The following BMERB1 variants were observed in gnomAD, a reference collection of about 807,000 sequenced individuals.
The protein encoded by BMERB1 is bMERB domain-containing protein 1.
Under a neutral mutation model 23.6 loss-of-function variants are expected in BMERB1, and 12 were observed. That is an observed-to-expected ratio of 0.51 (90% confidence interval 0.33 to 0.82). The LOEUF (loss-of-function observed/expected upper bound fraction) is 0.82. Ranked by LOEUF, BMERB1 falls within the 40% of genes least tolerant of loss-of-function variation. The pLI, the probability that BMERB1 is intolerant of heterozygous loss-of-function variation, is 0.03. For synonymous variants in BMERB1, 122 were observed against 96.6 expected, an observed-to-expected ratio of 1.26 and a Z score of -1.54; for missense variants, 247 against 255.4, an observed-to-expected ratio of 0.97 and a Z score of 0.22.
At chr16:15,570,781 T>G (rs997906934) in intron 3 of BMERB1, among the ~76,000 whole-genome samples, 1 of 152,004 alleles carries the variant, frequency 6.6e-6, no homozygotes, top group Admixed American at 6.6e-5. Context: ...AGATTATTCA[T>G]GAGTTTTCTG....
chr16:15,464,312 T>TAAAAAA lies in BMERB1; in HGVS notation c.106+29568_106+29573dup, dbSNP rs528828210. ...TGGGCGACAGAGTGAGACTTCATCTTAAAAAAAAAAAAAAAAAAAAGGATT... is the reference window on the plus strand; with the variant it reads ...TGGGCGACAGAGTGAGACTTCATCTTAAAAAAAAAAAAAAAAAAAAAAAAAAGGATT... On this transcript the variant is annotated intron_variant, in intron 1 of 5. Coordinates refer to ENST00000300006, the MANE Select transcript of BMERB1 (RefSeq NM_033201.3). 6.1e-3 allele frequency among the ~76,000 whole-genome samples: 634 copies of TAAAAAA among 103,916 alleles called. 8 individuals are homozygous for TAAAAAA. The highest frequency in any genetic ancestry group is 0.022 in the African/African-American group (616 of 27,428). 68.2% of individuals were successfully genotyped at this position (103,916 alleles called of 152,430 possible). A position where few individuals can be genotyped will look rare whatever the true frequency, so the allele number is the denominator to read the frequency against.
At chr16:15,528,988 T>C (rs73499138) in intron 2 of BMERB1, among the ~76,000 whole-genome samples, 7,109 of 152,166 alleles carry the variant, frequency 0.047, 530 homozygotes, top group African/African-American at 0.15. Flanking sequence ...TCTTGGACTT[T>C]CCAGCCTCTT....
At chr16:15,488,222 A>ACAC (rs2051383962) in intron 1 of BMERB1, among the ~76,000 whole-genome samples, 1 of 152,096 alleles carries the variant, frequency 6.6e-6, no homozygotes, top group Admixed American at 6.5e-5. Flanking sequence ...TGTTCTAATA[A>ACAC]AGCTTTATTT....
intron 5 of BMERB1, among the ~76,000 whole-genome samples, chr16:15,585,921 A>G (rs1013208494): frequency 1.3e-5 from 2 of 152,214 alleles, no homozygotes; most frequent in African/African-American, 4.8e-5. Flanking sequence ...CCCAAGAACC[A>G]AAAATATAGA....
At chr16:15,454,266 A>C (rs945568300) in intron 1 of BMERB1, among the ~76,000 whole-genome samples, 2 of 152,216 alleles carry the variant, frequency 1.3e-5, no homozygotes, top group Admixed American at 1.3e-4. Context: ...AGGATGTAAC[A>C]TAAAGTCTAA....
At chr16:15,541,835 C>T (rs1480126436) in intron 2 of BMERB1, among the ~76,000 whole-genome samples, 1 of 151,598 alleles carries the variant, frequency 6.6e-6, no homozygotes, top group African/African-American at 2.4e-5. Context: ...ATCTCCTGAC[C>T]TCATGATCCG....
chr16:15,552,563 C>T (rs1218768879), intron 2 of BMERB1, among the ~76,000 whole-genome samples: 1 of 152,212 alleles, frequency 6.6e-6, no homozygotes, highest in Non-Finnish European at 1.5e-5. Flanking sequence ...CATCAGTGAG[C>T]AGGTGCAGGA....
chr16:15,473,784 A>G (rs1346072674), intron 1 of BMERB1, among the ~76,000 whole-genome samples: 1 of 152,112 alleles, frequency 6.6e-6, no homozygotes, highest in Non-Finnish European at 1.5e-5. Flanking sequence ...CATGGTTTCA[A>G]AGGAGAACTT....
intron 1 of BMERB1, among the ~76,000 whole-genome samples, chr16:15,509,695 C>T (rs1264726766): frequency 6.6e-6 from 1 of 152,176 alleles, no homozygotes; most frequent in East Asian, 1.9e-4. Flanking sequence ...CTGCTTCCAG[C>T]CAAGGCTGTG....
intron 5 of BMERB1, among the ~76,000 whole-genome samples, chr16:15,583,684 G>T (rs1383810153): frequency 6.6e-6 from 1 of 152,182 alleles, no homozygotes. Context: ...TTTCAGCATG[G>T]GATGACAGCA....
At chr16:15,554,813 C>T (rs1374576029) in intron 2 of BMERB1, among the ~76,000 whole-genome samples, 2 of 151,892 alleles carry the variant, frequency 1.3e-5, no homozygotes, top group Admixed American at 1.3e-4. Context: ...ACTACAGGTG[C>T]CCGCCACCAC....
intron 1 of BMERB1, among the ~76,000 whole-genome samples, chr16:15,489,131 C>T (rs1011801612): frequency 1.3e-5 from 2 of 152,042 alleles, no homozygotes; most frequent in African/African-American, 4.8e-5. Flanking sequence ...TGAATCTGAA[C>T]GGGAAGGGAA....
chr16:15,496,148 T>C (rs2051471232), intron 1 of BMERB1, among the ~76,000 whole-genome samples: 1 of 151,904 alleles, frequency 6.6e-6, no homozygotes, highest in Non-Finnish European at 1.5e-5. Context: ...ATGGTGACGA[T>C]GACAGTGATG....
intron 3 of BMERB1, among the ~76,000 whole-genome samples, chr16:15,579,121 TTGGGTGATTC>T (rs1481785241): frequency 6.6e-6 from 1 of 152,122 alleles, no homozygotes; most frequent in Admixed American, 6.5e-5. Flanking sequence ...CAGCCAGTTG[TTGGGTGATTC>T]TGGCTAAGAT....
chr16:15,515,918 G>A (rs1028251781), intron 2 of BMERB1, among the ~76,000 whole-genome samples: 1 of 152,146 alleles, frequency 6.6e-6, no homozygotes, highest in Non-Finnish European at 1.5e-5. Flanking sequence ...ACAGAGCACA[G>A]CATTCCTGAA....
At chr16:15,460,066 A>C (rs984082967) in intron 1 of BMERB1, among the ~76,000 whole-genome samples, 3 of 152,060 alleles carry the variant, frequency 2.0e-5, no homozygotes, top group Non-Finnish European at 2.9e-5. Flanking sequence ...TGCCAGTTCT[A>C]CTGTTGGATG....
At chr16:15,535,161 GCAA>G (rs777779224) in intron 2 of BMERB1, among the ~76,000 whole-genome samples, 8 of 151,808 alleles carry the variant, frequency 5.3e-5, no homozygotes, top group Non-Finnish European at 1.2e-4. Flanking sequence ...ACCAGCTTGG[GCAA>G]CATAGCAAGA....
intron 1 of BMERB1, among the ~76,000 whole-genome samples, chr16:15,496,733 T>C (rs1380359766): frequency 6.6e-6 from 1 of 151,526 alleles, no homozygotes; most frequent in African/African-American, 2.4e-5. Flanking sequence ...AGAGACGGGG[T>C]TTCACCATGT....
intron 1 of BMERB1, among the ~76,000 whole-genome samples, chr16:15,478,051 A>G (rs529928895): frequency 4.6e-5 from 7 of 152,274 alleles, no homozygotes; most frequent in Admixed American, 3.3e-4. Context: ...AATGAGTCAA[A>G]TGCATTGACC....
Sources: allele counts gnomAD v4.1 joint callset (sites outside exome capture counted in the v4.1 genomes callset), GRCh38; gene constraint gnomAD v4.1.1; transcripts MANE v1.5; gene names NCBI Gene and HGNC (gene_info 2026-07-23, HGNC 2026-07-21).